The following DAB1 variants were observed in gnomAD, a reference collection of about 807,000 sequenced individuals.
DAB1 encodes the protein DAB adaptor protein 1.
Under a neutral mutation model 64.6 loss-of-function variants are expected in DAB1, and 15 were observed. The observed-to-expected ratio is 0.23, with a 90% CI of 0.16 to 0.36. The LOEUF (loss-of-function observed/expected upper bound fraction) is 0.36. Ranked by LOEUF, DAB1 falls within the 10% of genes least tolerant of loss-of-function variation. DAB1 has a pLI of 1.00. For synonymous variants in DAB1, 235 were observed against 251.9 expected, an observed-to-expected ratio of 0.93 and a Z score of 0.64; for missense variants, 596 against 706.7, an observed-to-expected ratio of 0.84 and a Z score of 1.78.
intron 5 of DAB1, among the ~76,000 whole-genome samples, chr1:58,104,180 G>C (rs767639334): frequency 6.6e-6 from 1 of 152,180 alleles, no homozygotes; most frequent in Non-Finnish European, 1.5e-5. Context: ...CCTCCCCACC[G>C]GGTGGTGAAG....
intron 4 of DAB1, among the ~76,000 whole-genome samples, chr1:58,308,698 C>T (rs1249366295): frequency 6.6e-6 from 1 of 152,194 alleles, no homozygotes. Flanking sequence ...CTGGATTCAG[C>T]AACCTGCTAG....
At chr1:57,535,470 CTTT>C (rs11358277) in intron 7 of DAB1, among the ~76,000 whole-genome samples, 16 of 130,486 alleles carry the variant, frequency 1.2e-4, no homozygotes, top group Admixed American at 1.6e-4. Context: ...GTTGGACATT[CTTT>C]TTTTTTTTTT....
intron 5 of DAB1, among the ~76,000 whole-genome samples, chr1:58,016,464 A>G (rs1219385358): frequency 2.6e-5 from 4 of 152,244 alleles, no homozygotes; most frequent in Non-Finnish European, 5.9e-5. Flanking sequence ...ATGAACAACT[A>G]TTCTCCCTGC....
rs769638766 is a variant in DAB1, at chr1:57,210,275, A to T, written c.68-64846T>A. Among the ~76,000 whole-genome samples the T allele has an allele frequency of 1.2e-3, 183 of 152,326 alleles. 1 individual carries two copies. Among genetic ancestry groups the T allele is most frequent in the South Asian group, 2.1e-3 (10 of 4,828 alleles). On this transcript the variant is annotated intron_variant, in intron 2 of 14. Transcript: ENST00000371236. ...TTAAAGAATAATGTCTACTGCTATG[A>T]TTTTTAAAAATAACCAAAAGCACAC...
At chr1:58,112,912 A>G (rs1652063299) in intron 5 of DAB1, among the ~76,000 whole-genome samples, 1 of 152,204 alleles carries the variant, frequency 6.6e-6, no homozygotes. Flanking sequence ...TTTTAAAGAT[A>G]AAGAAAAGCC....
chr1:57,330,458 T>C (rs1416593994), intron 1 of DAB1, among the ~76,000 whole-genome samples: 2 of 152,146 alleles, frequency 1.3e-5, no homozygotes, highest in African/African-American at 4.8e-5. Context: ...CTGGGTAACC[T>C]TGGATAACTC....
chr1:58,342,048 C>A (rs1458409283), intron 4 of DAB1, among the ~76,000 whole-genome samples: 1 of 152,158 alleles, frequency 6.6e-6, no homozygotes, highest in Non-Finnish European at 1.5e-5. Context: ...CTTGGCCTCA[C>A]AACTTCCATT....
rs1425997180 is a variant in DAB1 at position 57,991,854 on chromosome 1, A to AC, written n.388-107693_388-107692insG. Reference sequence around the variant, plus strand: ...GATTGAGGCTCTGTCTCAAAAAAAAAAAAAAAAAAAAAAAAGGAGTAGGCC... The same window carrying AC: ...GATTGAGGCTCTGTCTCAAAAAAAAACAAAAAAAAAAAAAAAGGAGTAGGCC... On this transcript the variant is annotated intron_variant and non_coding_transcript_variant, in intron 5 of 20. Coordinates refer to the DAB1 transcript ENST00000485760. Among the ~76,000 whole-genome samples, 88 of 149,492 alleles carry AC rather than the reference A, an allele frequency of 5.9e-4. 2 individuals carry two copies. The highest frequency in any genetic ancestry group is 2.0e-3 in the African/African-American group (80 of 40,734).
chr1:57,937,315 C>T (rs1291937452), intron 5 of DAB1, among the ~76,000 whole-genome samples: 1 of 152,062 alleles, frequency 6.6e-6, no homozygotes, highest in African/African-American at 2.4e-5. Context: ...TTGATCTGAT[C>T]AGTTATCCCT....
intron 2 of DAB1, among the ~76,000 whole-genome samples, chr1:57,231,871 G>A (rs1199096083): frequency 6.6e-6 from 1 of 152,188 alleles, no homozygotes; most frequent in Non-Finnish European, 1.5e-5. Context: ...TAGAAGTGAA[G>A]CATATCTGTT....
At chr1:57,907,106 G>A (rs564916791) in intron 5 of DAB1, among the ~76,000 whole-genome samples, 1 of 152,254 alleles carries the variant, frequency 6.6e-6, no homozygotes, top group South Asian at 2.1e-4. Context: ...TGCCAATTAA[G>A]CAAAAACACA....
At chr1:57,805,068 T>C (rs577542105) in intron 6 of DAB1, among the ~76,000 whole-genome samples, 6 of 152,308 alleles carry the variant, frequency 3.9e-5, no homozygotes, top group African/African-American at 1.4e-4. Flanking sequence ...CTTTAGTACA[T>C]GATGATCCCT....
At chr1:57,153,150 C>G (rs896017062) in intron 2 of DAB1, among the ~76,000 whole-genome samples, 7 of 152,060 alleles carry the variant, frequency 4.6e-5, no homozygotes, top group Admixed American at 2.0e-4. Flanking sequence ...CTCAGCCACC[C>G]GAATCACTGG....
intron 3 of DAB1, among the ~76,000 whole-genome samples, chr1:58,505,760 T>C (rs560521427): frequency 6.6e-6 from 1 of 152,320 alleles, no homozygotes; most frequent in South Asian, 2.1e-4. Context: ...TTTAAAAAAC[T>C]TAATATGCCT....
chr1:58,208,072 A>C (rs561079540), intron 4 of DAB1, among the ~76,000 whole-genome samples: 6 of 152,188 alleles, frequency 3.9e-5, no homozygotes, highest in Admixed American at 6.5e-5. Flanking sequence ...AAACCATGAG[A>C]TCTCATGAGA....
At chr1:57,798,983 A>C (rs1345811277) in intron 6 of DAB1, among the ~76,000 whole-genome samples, 1 of 152,226 alleles carries the variant, frequency 6.6e-6, no homozygotes, top group Non-Finnish European at 1.5e-5. Context: ...GAAAATATTC[A>C]ATAAGATAGT....
intron 5 of DAB1, among the ~76,000 whole-genome samples, chr1:57,990,774 G>A (rs1381907582): frequency 2.0e-5 from 3 of 152,194 alleles, no homozygotes; most frequent in African/African-American, 7.2e-5. Flanking sequence ...CAGACAGAGG[G>A]TGGCAGACTC....
chr1:57,360,414 G>T (rs747222398), intron 1 of DAB1, among the ~76,000 whole-genome samples: 52 of 152,056 alleles, frequency 3.4e-4, no homozygotes, highest in Non-Finnish European at 1.0e-4. Context: ...ATAAGCCCAT[G>T]TCAATACTAC....
rs1646238336 is a variant in DAB1 at position 57,010,723 on chromosome 1, T to C, written c.1640A>G (p.Asp547Gly). 6 of 1,592,198 alleles carry C rather than the reference T, an allele frequency of 3.8e-6. No individual in the cohort carries two copies. The highest frequency in any genetic ancestry group is 5.1e-6 in the Non-Finnish European group (6 of 1,166,242). ...FGEPSGEPSG[D>G]NISPQAGS Reference sequence around the variant, plus strand: ...GCTACCGGCCTGTGGACTTATATTATCACCACTGGGCTCCCCACTGGGCTC... The same window carrying C: ...GCTACCGGCCTGTGGACTTATATTACCACCACTGGGCTCCCCACTGGGCTC... Residue 547 changes from aspartate to glycine, a missense_variant, in exon 14 of 15, where the codon GAT becomes GGT. Physicochemically the swap from Asp to Gly is moderately conservative, Grantham distance 94 (BLOSUM62 -1). Coordinates refer to ENST00000371236, the MANE Select transcript of DAB1 (RefSeq NM_001365792.1).
Sources: allele counts gnomAD v4.1 joint callset (sites outside exome capture counted in the v4.1 genomes callset), GRCh38; gene constraint gnomAD v4.1.1; transcripts MANE v1.5; gene names NCBI Gene and HGNC (gene_info 2026-07-23, HGNC 2026-07-21).